Variants in ACO1 observed in about 807,000 individuals in gnomAD.
The protein encoded by ACO1 is cytoplasmic aconitate hydratase.
A neutral mutation model predicts 105.1 loss-of-function variants in ACO1; 78 were observed. The ratio of observed to expected loss-of-function variants is 0.74; its 90% CI spans 0.62 to 0.90. ACO1 has a LOEUF of 0.90. Among genes scored for constraint, ACO1 ranks in the 40% least tolerant of loss-of-function variants. The pLI is 0.00. For missense variants in ACO1, 965 were observed against 1,111.1 expected, an observed-to-expected ratio of 0.87 and a Z score of 1.87; for synonymous variants, 364 against 397.4, an observed-to-expected ratio of 0.92 and a Z score of 1.00.
rs376675400 is a variant in ACO1, at chr9:32,450,095, G to C, written c.2654G>C (p.Arg885Pro). Residue 885 changes from arginine (R) to proline (P), a missense_variant, in exon 21 of 21, where the codon CGC (arginine) becomes CCC (proline). By Grantham distance (103) the Arg-to-Pro change is moderately radical. Coordinates refer to ENST00000309951, the MANE Select transcript of ACO1 (RefSeq NM_002197.3). ...LNGGILNYMIRKMAK is the reference protein window; with the variant it reads ...LNGGILNYMIPKMAK Reference sequence around the variant, plus strand: ...GGGGGCATCCTCAACTACATGATCCGCAAGATGGCCAAGTAGGAGACGTGC... The same window carrying C: ...GGGGGCATCCTCAACTACATGATCCCCAAGATGGCCAAGTAGGAGACGTGC... 1.2e-6 allele frequency: 2 copies of C among 1,613,400 alleles called. No homozygotes were observed. The highest frequency in any genetic ancestry group is 1.3e-5 in the African/African-American group (1 of 74,888).
Position 32,430,482 on chromosome 9 carries a change from A to G in ACO1, c.1634A>G (p.Asn545Ser). 9 of 1,612,296 alleles carry G rather than the reference A, an allele frequency of 5.6e-6. 1 individual carries two copies. The highest frequency in any genetic ancestry group is 7.6e-6 in the Non-Finnish European group (9 of 1,179,408). Residue 545 changes from asparagine (N) to serine (S), a missense_variant, in exon 14 of 21, where the codon AAC (asparagine) becomes AGC (serine). By Grantham distance (46) the Asn-to-Ser change is conservative. Coordinates refer to ENST00000309951, the MANE Select transcript of ACO1 (RefSeq NM_002197.3). Reference sequence around the variant, plus strand: ...AATTTTGAAGGTCGAGTTCACCCCAACACCCGGGCCAACTATTTAGCCTCT... The same window carrying G: ...AATTTTGAAGGTCGAGTTCACCCCAGCACCCGGGCCAACTATTTAGCCTCT... ...NRNFEGRVHP[N>S]TRANYLASPP... is the part of the protein sequence containing the mutation.
At chr9:32,393,926 G>T (rs545951174) in intron 1 of ACO1, among the ~76,000 whole-genome samples, 1 of 152,168 alleles carries the variant, frequency 6.6e-6, no homozygotes, top group South Asian at 2.1e-4. Flanking sequence ...CCCTGAGTTA[G>T]TCTATACCCC....
At chr9:32,407,975 T>C (rs1821651618) in intron 3 of ACO1, among the ~76,000 whole-genome samples, 2 of 152,226 alleles carry the variant, frequency 1.3e-5, no homozygotes, top group Admixed American at 6.5e-5. Flanking sequence ...TTTTAATTGA[T>C]GTTATTTTAT....
At chr9:32,424,123 C>T (rs1475310908) in intron 9 of ACO1, among the ~76,000 whole-genome samples, 2 of 152,140 alleles carry the variant, frequency 1.3e-5, no homozygotes, top group Non-Finnish European at 2.9e-5. Flanking sequence ...GGCCCGTTTC[C>T]TGGTGTTGAT....
intron 7 of ACO1, among the ~76,000 whole-genome samples, chr9:32,419,864 C>G (rs1821931343): frequency 6.6e-6 from 1 of 152,208 alleles, no homozygotes; most frequent in South Asian, 2.1e-4. Flanking sequence ...AAGACTCTTG[C>G]AAAAGCAATG....
intron 19 of ACO1, 151 bp downstream of exon 19, chr9:32,440,738 G>A: frequency 9.5e-7 from 1 of 1,055,548 alleles, no homozygotes; most frequent in Non-Finnish European, 1.3e-6. Flanking sequence ...CTGCTTCTTG[G>A]TGCCTCTGGA....
In ACO1 at chr9:32,436,311, C is replaced by T. The variant is rs749776375; in HGVS notation, c.2161C>T (p.Arg721Trp). Residue 721 changes from arginine to tryptophan, a missense_variant, in exon 18 of 21, where the codon CGG becomes TGG. Arg to Trp is a moderately radical substitution (Grantham distance 101). Coordinates refer to ENST00000309951, the MANE Select transcript of ACO1 (RefSeq NM_002197.3). ...CCGAGGTAATGACGCCGTCATGGCACGGGGAACATTTGCCAACATTCGCTT... is the reference window on the plus strand; with the variant it reads ...CCGAGGTAATGACGCCGTCATGGCATGGGGAACATTTGCCAACATTCGCTT... ...SRRGNDAVMA[R>W]GTFANIRLLN... The T allele has an allele frequency of 8.1e-6, 13 of 1,614,022 alleles. No individual in the cohort carries two copies. The highest frequency in any genetic ancestry group is 2.7e-5 in the African/African-American group (2 of 74,914).
rs769809176 is a variant in ACO1 at position 32,430,556 on chromosome 9, T to G, written c.1708T>G (p.Phe570Val). Reference protein sequence around the residue: ...YAIAGTIRIDFEKEPLGVNAK... With the variant: ...YAIAGTIRIDVEKEPLGVNAK... ...AATTGCTGGAACCATCAGAATCGAC[T>G]TTGAGAAAGAGCCATTGGGTAAGAT... is the stretch of plus-strand genomic sequence containing the variant. Residue 570 changes from phenylalanine to valine, a missense_variant, in exon 14 of 21, where the codon TTT becomes GTT. Transcript: ENST00000309951. The G allele has an allele frequency of 9.3e-6, 15 of 1,605,568 alleles. No homozygotes were observed. Among genetic ancestry groups the G allele is most frequent in the Non-Finnish European group, 1.3e-5 (15 of 1,176,674 alleles).
intron 2 of ACO1, 76 bp from the exon 3 acceptor site, chr9:32,407,185 A>G: frequency 2.2e-6 from 3 of 1,366,372 alleles, no homozygotes; most frequent in East Asian, 2.3e-5. Context: ...TATCAACTTT[A>G]TATAGAGATT....
rs187410592 is a variant in ACO1 at position 32,420,914 on chromosome 9, C to T, written c.857C>T (p.Ala286Val). Reference protein sequence around the residue: ...KFVEFFGPGVAQLSIADRATI... With the variant: ...KFVEFFGPGVVQLSIADRATI... ...GTCGAGTTCTTCGGGCCTGGAGTAG[C>T]CCAGTTGTCCATTGCTGACCGAGCT... is the stretch of plus-strand genomic sequence containing the variant. The change falls in exon 8 of 21, where the codon GCC becomes GTC. Residue 286 changes from alanine (A) to valine (V), a missense_variant. Ala to Val is a moderately conservative substitution (Grantham distance 64, BLOSUM62 0). Coordinates refer to ENST00000309951, the MANE Select transcript of ACO1 (RefSeq NM_002197.3). 1.4e-5 allele frequency: 22 copies of T among 1,613,990 alleles called. No homozygotes were observed. Among genetic ancestry groups the T allele is most frequent in the Non-Finnish European group, 1.7e-5 (20 of 1,179,926 alleles).
Position 32,434,294 on chromosome 9 carries a change from T to G in ACO1, c.1957-265T>G, listed in dbSNP as rs375021146. ...GTTCTAGGGATGTGAAGAGAGAGAA[T>G]GTCATTTGCAGCTGCGTTACTGTTG... On this transcript the variant is annotated intron_variant, in intron 16 of 20. Coordinates refer to ENST00000309951, the MANE Select transcript of ACO1 (RefSeq NM_002197.3). 1.1e-4 allele frequency among the ~76,000 whole-genome samples: 17 copies of G among 152,322 alleles called. No homozygotes were observed. The East Asian group carries it at 1.7e-3, about 16-fold the overall frequency.
intron 4 of ACO1, among the ~76,000 whole-genome samples, chr9:32,415,458 A>G (rs1222248587): frequency 6.6e-6 from 1 of 152,194 alleles, no homozygotes; most frequent in Non-Finnish European, 1.5e-5. Flanking sequence ...GATTTAGGAA[A>G]GAAAGCCCAG....
intron 11 of ACO1, 44 bp downstream of exon 11, chr9:32,426,041 G>A (rs1239971807): frequency 6.3e-7 from 1 of 1,591,654 alleles, no homozygotes; most frequent in African/African-American, 1.3e-5. Flanking sequence ...CATGTGTGTA[G>A]GTGGAAATAG....
chr9:32,434,267 G>T (rs760019473), intron 16 of ACO1, among the ~76,000 whole-genome samples: 1 of 152,196 alleles, frequency 6.6e-6, no homozygotes, highest in African/African-American at 2.4e-5. Context: ...AGCATCTGAG[G>T]AGTTCTAGGG....
chr9:32,448,762 G>T, intron 19 of ACO1, 134 bp from the exon 20 acceptor site: 1 of 876,694 alleles, frequency 1.1e-6, no homozygotes, highest in Non-Finnish European at 1.9e-6. Context: ...TTCTGTGTCA[G>T]TCTCACTGGG....
chr9:32,435,957 C>T, intron 17 of ACO1: 1 of 541,928 alleles, frequency 1.8e-6, no homozygotes, highest in Non-Finnish European at 3.5e-6. Flanking sequence ...ACCCTACTAA[C>T]AAATAAAACA....
chr9:32,429,614 G>C, intron 13 of ACO1, 111 bp downstream of exon 13: 1 of 926,458 alleles, frequency 1.1e-6, no homozygotes. Context: ...ATGTGGTTTA[G>C]AGTATGATCT....
chr9:32,395,358 C>A (rs1023896436), intron 1 of ACO1, among the ~76,000 whole-genome samples: 1 of 152,160 alleles, frequency 6.6e-6, no homozygotes, highest in Non-Finnish European at 1.5e-5. Flanking sequence ...CACCTGTAAT[C>A]CCAGCGACTC....
intron 3 of ACO1, among the ~76,000 whole-genome samples, chr9:32,407,732 A>G (rs1821647086): frequency 6.6e-6 from 1 of 152,168 alleles, no homozygotes; most frequent in Admixed American, 6.5e-5. Context: ...TCAAAGAAAT[A>G]GCATGGAATA....
Sources: gnomAD v4.1 joint callset for allele counts (sites outside exome capture counted in the v4.1 genomes callset) on GRCh38, gnomAD v4.1.1 for gene constraint, MANE v1.5 for transcripts, NCBI Gene and HGNC (gene_info 2026-07-23, HGNC 2026-07-21) for gene names.